The following CALN1 variants were observed in gnomAD, a reference collection of about 807,000 sequenced individuals.
The protein encoded by CALN1 is calcium-binding protein 8.
A neutral mutation model predicts 30.6 loss-of-function variants in CALN1; 17 were observed. The observed-to-expected ratio is 0.56, with a 90% CI of 0.38 to 0.83. CALN1 has a LOEUF of 0.83. CALN1 is among the 40% of genes least tolerant of loss of function. CALN1 has a pLI of 0.00. For missense variants in CALN1, 291 were observed against 354.9 expected (o/e 0.82, Z 1.45); for synonymous variants, 156 against 131.4 (o/e 1.19, Z -1.28).
At chr7:71,978,657 G>C (rs748163323) in intron 5 of CALN1, among the ~76,000 whole-genome samples, 1 of 152,146 alleles carries the variant, frequency 6.6e-6, no homozygotes, top group Non-Finnish European at 1.5e-5. Flanking sequence ...ACCTATTGTT[G>C]ACAGGCTTTT....
At chr7:72,243,524 C>T (rs1215929135) in intron 3 of CALN1, among the ~76,000 whole-genome samples, 1 of 152,092 alleles carries the variant, frequency 6.6e-6, no homozygotes, top group African/African-American at 2.4e-5. Flanking sequence ...TCCGGGGATG[C>T]AGTGTTGGGG....
intron 2 of CALN1, among the ~76,000 whole-genome samples, chr7:72,322,633 G>T (rs1800965173): frequency 6.6e-6 from 1 of 152,096 alleles, no homozygotes; most frequent in South Asian, 2.1e-4. Flanking sequence ...CATAGAGATA[G>T]AGAGTAGAAG....
intron 5 of CALN1, among the ~76,000 whole-genome samples, chr7:72,009,697 G>C (rs1799961547): frequency 6.6e-6 from 1 of 152,262 alleles, no homozygotes; most frequent in Non-Finnish European, 1.5e-5. Context: ...CCCCCATACT[G>C]TTCTCATGAT....
At chr7:72,151,613 T>TC (rs1787256393) in intron 3 of CALN1, among the ~76,000 whole-genome samples, 1 of 152,092 alleles carries the variant, frequency 6.6e-6, no homozygotes, top group Non-Finnish European at 1.5e-5. Context: ...CGCTACCTTC[T>TC]CCCACATCCT....
chr7:72,123,244 A>C (rs1331289580), intron 3 of CALN1, among the ~76,000 whole-genome samples: 1 of 152,220 alleles, frequency 6.6e-6, no homozygotes, highest in Non-Finnish European at 1.5e-5. Flanking sequence ...GCCTGCTAGA[A>C]GTGAGCAGAA....
At chr7:72,067,604 T>C (rs1470461647) in intron 4 of CALN1, among the ~76,000 whole-genome samples, 1 of 152,194 alleles carries the variant, frequency 6.6e-6, no homozygotes, top group African/African-American at 2.4e-5. Flanking sequence ...TGGAAAGCAG[T>C]ATCTTATAAA....
intron 5 of CALN1, among the ~76,000 whole-genome samples, chr7:71,982,856 C>A (rs1213966799): frequency 1.3e-5 from 2 of 152,138 alleles, no homozygotes; most frequent in African/African-American, 4.8e-5. Flanking sequence ...TGGGTGAATG[C>A]CGGCAGTTGT....
intron 2 of CALN1, among the ~76,000 whole-genome samples, chr7:72,308,364 TGGG>T (rs769377451): frequency 5.2e-5 from 3 of 57,888 alleles, no homozygotes; most frequent in African/African-American, 1.3e-4. Context: ...ATGCTGTCTG[TGGG>T]GGGGGGAGAG....
chr7:72,006,571 T>C (rs999548543), intron 5 of CALN1, among the ~76,000 whole-genome samples: 13 of 145,676 alleles, frequency 8.9e-5, no homozygotes, highest in Non-Finnish European at 1.8e-4. Context: ...TCTAAAAAAG[T>C]AGATTTTTTT....
rs767107071 is a variant in CALN1 at position 71,787,504 on chromosome 7, T to G, written c.*271A>C. On this transcript the variant is annotated 3_prime_UTR_variant, in exon 7 of 7. Transcript: ENST00000395275. ...TTTCTCTAGAGTTATGACTGATGGT[T>G]GAAGCAATAATTTGGAAATCCTGGC... 51 of 377,006 alleles carry G rather than the reference T, an allele frequency of 1.4e-4. No individual in the cohort carries two copies. Among genetic ancestry groups the G allele is most frequent in the Non-Finnish European group, 2.3e-4 (46 of 203,280 alleles). 23.4% of individuals were successfully genotyped at this position (377,006 alleles called of 1,614,324 possible).
intron 2 of CALN1, among the ~76,000 whole-genome samples, chr7:72,321,765 C>T (rs1484373464): frequency 6.6e-6 from 1 of 152,208 alleles, no homozygotes; most frequent in Non-Finnish European, 1.5e-5. Flanking sequence ...TTCTGGATAG[C>T]TCTGTCTCCT....
chr7:72,349,928 C>T (rs1585557635), intron 2 of CALN1, among the ~76,000 whole-genome samples: 2 of 152,154 alleles, frequency 1.3e-5, no homozygotes, highest in East Asian at 3.9e-4. Context: ...TGCAGATGCT[C>T]TTTAGTTGAA....
chr7:72,412,346 G>A (rs573353130), upstream of CALN1: 2 of 152,118 alleles, frequency 1.3e-5, no homozygotes, highest in African/African-American at 2.4e-5. Context: ...TTCCCCAGCG[G>A]GCTCGGGGAG....
chr7:72,124,036 G>C (rs1434901290), intron 3 of CALN1, among the ~76,000 whole-genome samples: 1 of 152,150 alleles, frequency 6.6e-6, no homozygotes, highest in Non-Finnish European at 1.5e-5. Flanking sequence ...CTATCTACCA[G>C]AAATGTAATC....
chr7:72,383,618 C>G (rs1300734155), intron 2 of CALN1, among the ~76,000 whole-genome samples: 1 of 152,116 alleles, frequency 6.6e-6, no homozygotes, highest in Non-Finnish European at 1.5e-5. Flanking sequence ...GCAGATGGTC[C>G]TTGTATAACT....
chr7:72,235,126 T>G (rs1794389639), intron 3 of CALN1, among the ~76,000 whole-genome samples: 1 of 151,648 alleles, frequency 6.6e-6, no homozygotes, highest in Admixed American at 6.6e-5. Flanking sequence ...AACTAAAAAT[T>G]AGCCAGTCAT....
At chr7:72,365,736 G>C (rs963024911) in intron 2 of CALN1, among the ~76,000 whole-genome samples, 2 of 152,022 alleles carry the variant, frequency 1.3e-5, no homozygotes, top group Non-Finnish European at 2.9e-5. Context: ...TGACCTAAAA[G>C]GTGTGTAAGA....
intron 6 of CALN1, among the ~76,000 whole-genome samples, chr7:71,790,428 C>G (rs552990514): frequency 4.0e-5 from 6 of 149,750 alleles, no homozygotes; most frequent in Admixed American, 1.3e-4. Context: ...AAGAAAGAAG[C>G]AAGCAAGCAA....
rs1310754677 is a variant in CALN1 at position 71,897,994 on chromosome 7, AGAGAGAGAGGGAGGGAGGGGGGGG to A, written c.502-87526_502-87503del. The stretch of plus-strand genomic sequence containing the variant: ...AAACAAAAAAAAAAAAAAAAAAAAG[AGAGAGAGAGGGAGGGAGGGGGGGG>A]GAGAGAGAGAGAGAGAGAGAGAATG... On this transcript the variant is annotated intron_variant, in intron 5 of 6. Coordinates refer to ENST00000395275, the MANE Select transcript of CALN1 (RefSeq NM_031468.4). Among the ~76,000 whole-genome samples, 265 of 74,962 alleles carry A rather than the reference AGAGAGAGAGGGAGGGAGGGGGGGG, an allele frequency of 3.5e-3. 1 individual carries two copies. Among genetic ancestry groups the A allele is most frequent in the African/African-American group, 0.014 (248 of 17,754 alleles). 49.2% of individuals were successfully genotyped at this position (74,962 alleles called of 152,430 possible). A position where few individuals can be genotyped will look rare whatever the true frequency, so the allele number is the denominator to read the frequency against.
Sources: allele counts gnomAD v4.1 joint callset (sites outside exome capture counted in the v4.1 genomes callset), GRCh38; gene constraint gnomAD v4.1.1; transcripts MANE v1.5; gene names NCBI Gene and HGNC (gene_info 2026-07-23, HGNC 2026-07-21).